The following MESP1 variants were observed in gnomAD, a reference collection of about 807,000 sequenced individuals.
The protein encoded by MESP1 is mesoderm posterior protein 1.
In MESP1, 22 loss-of-function variants were observed where a neutral mutation model predicts 15.2. The observed-to-expected ratio is 1.45, with a 90% CI of 1.04 to 2.07. The LOEUF (loss-of-function observed/expected upper bound fraction) is 2.07, where lower values mean the gene tolerates loss of function less well. Ranked by LOEUF, MESP1 falls within the 30% of genes most tolerant of loss-of-function variation. The probability of loss-of-function intolerance (pLI) is 0.00; values close to 1 mark genes in which losing one functional copy is unlikely to be tolerated. For missense variants in MESP1, 484 were observed against 411.9 expected, an observed-to-expected ratio of 1.17 and a Z score of -1.51; for synonymous variants, 216 against 192.6, an observed-to-expected ratio of 1.12 and a Z score of -1.01.
the MESP1 span, among the ~76,000 whole-genome samples, chr15:89,744,665 A>G: frequency 1.3e-5 from 2 of 152,258 alleles, no homozygotes; most frequent in South Asian, 4.1e-4. Flanking sequence ...GGGCTTCTCC[A>G]TAGCAAATGC....
the MESP1 span, among the ~76,000 whole-genome samples, chr15:89,742,025 A>T: frequency 2.6e-5 from 4 of 151,954 alleles, no homozygotes; most frequent in African/African-American, 9.7e-5. Flanking sequence ...TGCTGGGATT[A>T]CAGGCATGAG....
chr15:89,743,665 C>T, the MESP1 span: 1 of 454,758 alleles, frequency 2.2e-6, no homozygotes, highest in Admixed American at 3.5e-5. Flanking sequence ...GTATATAACT[C>T]ATCGTTCCCA....
At position 89,750,643 on chromosome 15, in the gene MESP1, C is replaced by A. The variant is rs1596146345; in HGVS notation, c.589G>T (p.Ala197Ser). ...RGLGLVSAVR[A>S]GASWGSPPAC... ...GGCGGGGATCCCCAGGACGCCCCGGCGCGGACGGCGGATACCAGGCCCAGC... is the reference window on the plus strand; with the variant it reads ...GGCGGGGATCCCCAGGACGCCCCGGAGCGGACGGCGGATACCAGGCCCAGC... Residue 197 changes from alanine (A) to serine (S), a missense_variant, in exon 1 of 2, where the codon GCC becomes TCC. Coordinates refer to ENST00000300057, the MANE Select transcript of MESP1 (RefSeq NM_018670.4). 2.5e-5 allele frequency: 34 copies of A among 1,372,200 alleles called. No homozygotes were observed. The East Asian group carries it at 9.3e-4, about 38-fold the overall frequency. The allele number at this position is 1,372,200 out of a possible 1,614,324, so 85.0% of individuals were successfully genotyped here.
chr15:89,738,247 C>T, the MESP1 span: 1 of 1,587,244 alleles, frequency 6.3e-7, no homozygotes, highest in African/African-American at 1.4e-5. Context: ...GTAAAGAGCT[C>T]TGTGTCTTCA....
At chr15:89,745,227 G>C (rs1414444395), downstream of MESP1, among the ~76,000 whole-genome samples, 1 of 152,180 alleles carries the variant, frequency 6.6e-6, no homozygotes. The surrounding 1 kb of genome is among the most constrained non-coding windows in gnomAD (Gnocchi z 4.8). Context: ...CGTGTGAGGG[G>C]AGAGCGGGTG....
At chr15:89,749,175 T>C (rs1365293998), downstream of MESP1, 1 of 152,224 alleles carries the variant, frequency 6.6e-6, no homozygotes, top group Non-Finnish European at 1.5e-5. Flanking sequence ...CCTGTGTGGA[T>C]TCCGATGCAA....
chr15:89,733,885 CAAG>C, the MESP1 span, among the ~76,000 whole-genome samples: 1 of 152,194 alleles, frequency 6.6e-6, no homozygotes, highest in Non-Finnish European at 1.5e-5. Context: ...CCCATACGGC[CAAG>C]AAGAGGCTCA....
downstream of MESP1, among the ~76,000 whole-genome samples, chr15:89,745,866 GA>G (rs1481057755): frequency 0.014 from 1,103 of 80,234 alleles, 9 homozygotes; most frequent in Non-Finnish European, 0.022. The surrounding 1 kb of genome is among the most constrained non-coding windows in gnomAD (Gnocchi z 4.8). Context: ...CTCCCCACAG[GA>G]TCCACACACC....
chr15:89,750,514 AC>A lies in MESP1; in HGVS notation c.717del (p.Ser240ProfsTer39). On this transcript the variant is annotated frameshift_variant, in exon 1 of 2. Transcript: ENST00000300057. LOFTEE classifies it high-confidence loss of function. ...GCGGGGAAGGGGACACTAACCGGGG[AC>A]GGTGGGCTTGGCTCCATCGCCTGCC... is the stretch of plus-strand genomic sequence containing the variant. ...PEGQAMEPSP[P>X]SPLLPGDVLA... The A allele has an allele frequency of 6.7e-7, 1 of 1,501,022 alleles. No individual in the cohort carries two copies. The highest frequency in any genetic ancestry group is 8.8e-7 in the Non-Finnish European group (1 of 1,133,118). 93.0% of individuals were successfully genotyped at this position (1,501,022 alleles called of 1,614,324 possible).
At chr15:89,743,560 C>T in the MESP1 span, 1 of 621,432 alleles carries the variant, frequency 1.6e-6, no homozygotes, top group East Asian at 2.8e-5. Context: ...TCTGGGGGAC[C>T]TTCAACCACT....
chr15:89,736,276 C>T, the MESP1 span, among the ~76,000 whole-genome samples: 1 of 152,154 alleles, frequency 6.6e-6, no homozygotes, highest in Admixed American at 6.5e-5. Flanking sequence ...TTCCCCAGTC[C>T]TTACAGGGCC....
chr15:89,737,875 G>A, the MESP1 span: 2 of 1,356,574 alleles, frequency 1.5e-6, no homozygotes, highest in Non-Finnish European at 2.0e-6. Flanking sequence ...GTCCTCACAG[G>A]GCACTTAGAT....
rs375162512 is a variant in MESP1 at position 89,750,934 on chromosome 15, G to A, written c.298C>T (p.Arg100Cys). ...REKLRMRTLA[R>C]ALHELRRFLP... The stretch of plus-strand genomic sequence containing the variant: ...AAGCGGCGCAGCTCGTGCAGGGCGC[G>A]GGCCAGCGTGCGCATGCGCAGTTTC... The change falls in exon 1 of 2, where the codon CGC (arginine) becomes TGC (cysteine). Residue 100 changes from arginine (R) to cysteine (C), a missense_variant. Physicochemically the swap from Arg to Cys is radical, Grantham distance 180. Coordinates refer to ENST00000300057, the MANE Select transcript of MESP1 (RefSeq NM_018670.4). 5.7e-5 allele frequency: 83 copies of A among 1,459,332 alleles called. No individual in the cohort carries two copies. The highest frequency in any genetic ancestry group is 7.3e-5 in the Non-Finnish European group (81 of 1,109,606). 90.4% of individuals were successfully genotyped at this position (1,459,332 alleles called of 1,614,324 possible).
At chr15:89,741,153 A>T in the MESP1 span, among the ~76,000 whole-genome samples, 2,981 of 152,280 alleles carry the variant, frequency 0.02, 58 homozygotes, top group South Asian at 0.04. Context: ...AAAAATAAAT[A>T]AATAAGTGTT....
At chr15:89,738,215 G>A in the MESP1 span, 39 of 1,611,868 alleles carry the variant, frequency 2.4e-5, no homozygotes, top group Non-Finnish European at 3.2e-5. Flanking sequence ...GAGAAGAGAT[G>A]TGAGCGTTTC....
chr15:89,751,032 G>A lies in MESP1; in HGVS notation c.200C>T (p.Pro67Leu), dbSNP rs765082101. The A allele has an allele frequency of 3.7e-6, 5 of 1,344,822 alleles. No individual in the cohort carries two copies. In the East Asian group the frequency reaches 1.2e-4, roughly 33 times the overall value. 83.3% of individuals were successfully genotyped at this position (1,344,822 alleles called of 1,614,324 possible). A position where few individuals can be genotyped will look rare whatever the true frequency, so the allele number is the denominator to read the frequency against. ...RPGTLRDPRA[P>L]SVGRRGARSS... ...GCGCGCGCCGCGCCTACCTACGGAG[G>A]GGGCGCGGGGGTCCCGGAGGGTGCC... The change falls in exon 1 of 2, where the codon CCC becomes CTC. Residue 67 changes from proline to leucine, a missense_variant. Physicochemically the swap from Pro to Leu is moderately conservative, Grantham distance 98. Coordinates refer to ENST00000300057, the MANE Select transcript of MESP1 (RefSeq NM_018670.4).
At chr15:89,747,146 A>ACACC (rs1488804293), downstream of MESP1, among the ~76,000 whole-genome samples, 4 of 130,322 alleles carry the variant, frequency 3.1e-5, no homozygotes, top group East Asian at 6.8e-4. Flanking sequence ...ACACACACAC[A>ACACC]CCCCTACCTT....
rs2141755399 is a variant in MESP1, at chr15:89,750,687, C to T, written c.545G>A (p.Gly182Glu). 1.5e-6 allele frequency: 2 copies of T among 1,362,966 alleles called. No individual in the cohort carries two copies. The highest frequency in any genetic ancestry group is 3.0e-5 in the East Asian group (1 of 33,130). The allele number at this position is 1,362,966 out of a possible 1,614,324, so 84.4% of individuals were successfully genotyped here. A position where few individuals can be genotyped will look rare whatever the true frequency, so the allele number is the denominator to read the frequency against. ...AQMQTRTQAE[G>E]QGQGRGLGLV... ...GCCCAGCCCGCGCCCCTGCCCCTGC[C>T]CCTCAGCCTGCGTCCGTGTCTGCAT... Residue 182 changes from glycine (G) to glutamate (E), a missense_variant, in exon 1 of 2, where the codon GGG becomes GAG. Coordinates refer to ENST00000300057, the MANE Select transcript of MESP1 (RefSeq NM_018670.4).
At chr15:89,745,799 G>A (rs1967928950), downstream of MESP1, among the ~76,000 whole-genome samples, 2 of 151,562 alleles carry the variant, frequency 1.3e-5, no homozygotes, top group African/African-American at 4.9e-5. The surrounding 1 kb of genome is among the most constrained non-coding windows in gnomAD (Gnocchi z 4.8). Flanking sequence ...CTCAGGGTAT[G>A]GTTGGAACTA....
Sources: allele counts gnomAD v4.1 joint callset (sites outside exome capture counted in the v4.1 genomes callset), GRCh38; gene constraint gnomAD v4.1.1; non-coding constraint Gnocchi (gnomAD v3.1); transcripts MANE v1.5; gene names NCBI Gene and HGNC (gene_info 2026-07-23, HGNC 2026-07-21).